HMCN1: variants seen among roughly 807,000 people sequenced by gnomAD.
HMCN1 encodes the protein hemicentin 1.
HMCN1 carries 321 observed loss-of-function variants against 625.9 expected under a neutral mutation model. That is an observed-to-expected ratio of 0.51 (90% CI 0.47 to 0.56). The LOEUF (loss-of-function observed/expected upper bound fraction) is 0.56, where lower values mean the gene tolerates loss of function less well. HMCN1 is among the 20% of genes least tolerant of loss of function. The probability of loss-of-function intolerance (pLI) is 0.00; values close to 1 mark genes in which losing one functional copy is unlikely to be tolerated. For synonymous variants in HMCN1, 2,425 were observed against 2,417.6 expected (o/e 1.00, Z -0.09); for missense variants, 6,588 against 6,887.3 (o/e 0.96, Z 1.54).
chr1:186,145,549 A>G lies in HMCN1; in HGVS notation c.14413A>G (p.Arg4805Gly). Residue 4805 changes from arginine to glycine, a missense_variant, in exon 92 of 107, where the codon AGG (arginine) becomes GGG (glycine). By Grantham distance (125) the Arg-to-Gly change is moderately radical. Around this residue, in one of 3 missense-constraint regions of HMCN1, gnomAD observed 1,954 missense variants for 2,013.1 expected, o/e 0.97. Coordinates refer to ENST00000271588, the MANE Select transcript of HMCN1 (RefSeq NM_031935.3). ...ACGGPDSQIQ[R>G]CNTDMCPVDG... ...TGGGGGACCAGACTCCCAGATCCAG[A>G]GGTGCAACACTGACATGTGTCCTGG... is the stretch of plus-strand genomic sequence containing the variant. 1 of 1,614,066 alleles carries G rather than the reference A, an allele frequency of 6.2e-7. No homozygotes were observed. The highest frequency in any genetic ancestry group is 8.5e-7 in the Non-Finnish European group (1 of 1,179,988).
intron 17 of HMCN1, among the ~76,000 whole-genome samples, chr1:185,981,723 G>T (rs1571658251): frequency 6.6e-6 from 1 of 152,064 alleles, no homozygotes; most frequent in Middle Eastern, 3.4e-3. Flanking sequence ...ATCTCTTAGG[G>T]ATTTTACTTT....
intron 1 of HMCN1, among the ~76,000 whole-genome samples, chr1:185,757,890 T>A (rs1321406731): frequency 6.6e-6 from 1 of 152,198 alleles, no homozygotes; most frequent in Non-Finnish European, 1.5e-5. Context: ...GTCATGTTCC[T>A]TGAATTTTGG....
At chr1:186,187,205 A>G (rs948145889) in intron 105 of HMCN1, among the ~76,000 whole-genome samples, 2 of 131,568 alleles carry the variant, frequency 1.5e-5, no homozygotes, top group Non-Finnish European at 3.2e-5. Context: ...TCCCCATACC[A>G]TTAGCCTAAG....
chr1:185,993,885 T>C (rs1268285877), intron 23 of HMCN1, among the ~76,000 whole-genome samples: 2 of 152,132 alleles, frequency 1.3e-5, no homozygotes, highest in Non-Finnish European at 2.9e-5. Context: ...TTAGCTGAGA[T>C]AGGATTGATC....
At chr1:185,900,074 T>C (rs74602922) in intron 4 of HMCN1, among the ~76,000 whole-genome samples, 3,218 of 152,152 alleles carry the variant, frequency 0.021, 119 homozygotes, top group African/African-American at 0.073. Flanking sequence ...CTCCTGCCTC[T>C]GTTTCTTCTT....
intron 55 of HMCN1, among the ~76,000 whole-genome samples, chr1:186,079,893 G>A (rs1191221432): frequency 6.6e-6 from 1 of 152,126 alleles, no homozygotes; most frequent in Non-Finnish European, 1.5e-5. Context: ...CCCAGGTGCA[G>A]GGAGGGCCAC....
chr1:185,755,736 AG>A (rs1655093122), intron 1 of HMCN1, among the ~76,000 whole-genome samples: 1 of 152,170 alleles, frequency 6.6e-6, no homozygotes, highest in African/African-American at 2.4e-5. Context: ...GAGAGTGAGA[AG>A]GGATTAGGAA....
intron 41 of HMCN1, among the ~76,000 whole-genome samples, chr1:186,048,316 T>TA (rs1198514746): frequency 1.3e-5 from 2 of 152,130 alleles, no homozygotes; most frequent in Admixed American, 6.6e-5. Context: ...ATACTTAGCT[T>TA]AAAGAAGCTT....
At chr1:185,756,911 T>C (rs1185182730) in intron 1 of HMCN1, among the ~76,000 whole-genome samples, 2 of 152,176 alleles carry the variant, frequency 1.3e-5, no homozygotes, top group Non-Finnish European at 2.9e-5. Flanking sequence ...ATGATAACCA[T>C]GGCAGTCTTT....
At chr1:185,762,360 T>C (rs1166787220) in intron 1 of HMCN1, among the ~76,000 whole-genome samples, 1 of 152,180 alleles carries the variant, frequency 6.6e-6, no homozygotes, top group Admixed American at 6.6e-5. Flanking sequence ...TTAGTGTGTA[T>C]TTGAGTGCAC....
chr1:185,867,532 A>T (rs1260150020), intron 4 of HMCN1, among the ~76,000 whole-genome samples: 1 of 152,168 alleles, frequency 6.6e-6, no homozygotes, highest in African/African-American at 2.4e-5. Context: ...ATTCTCTCTT[A>T]CATCAGCTTG....
chr1:185,740,905 A>T (rs1027240820), intron 1 of HMCN1, among the ~76,000 whole-genome samples: 1 of 152,158 alleles, frequency 6.6e-6, no homozygotes, highest in African/African-American at 2.4e-5. Context: ...GAGGCAGTAG[A>T]ATCGCTCGAA....
chr1:185,916,598 T>C (rs1666716300), intron 6 of HMCN1, among the ~76,000 whole-genome samples: 1 of 152,212 alleles, frequency 6.6e-6, no homozygotes, highest in Non-Finnish European at 1.5e-5. Flanking sequence ...ACTGAATTTT[T>C]CTTTAGTTTT....
chr1:186,113,882 T>C, intron 72 of HMCN1, 97 bp from the exon 73 acceptor site: 1 of 1,324,702 alleles, frequency 7.5e-7, no homozygotes, highest in Non-Finnish European at 1.1e-6. Flanking sequence ...AGCTATACAT[T>C]TGACTCGAAG....
intron 13 of HMCN1, among the ~76,000 whole-genome samples, 194 bp downstream of exon 13, chr1:185,964,089 A>T (rs1213912825): frequency 6.6e-6 from 1 of 152,206 alleles, no homozygotes; most frequent in Non-Finnish European, 1.5e-5. Flanking sequence ...AAGCTTCATT[A>T]GTCAACAGAA....
In HMCN1 at chr1:186,041,135, T is replaced by C. The variant is rs745388811; in HGVS notation, c.6303T>C (p.Tyr2101=). The C allele has an allele frequency of 5.0e-6, 8 of 1,612,060 alleles. No homozygotes were observed. The highest frequency in any genetic ancestry group is 2.2e-5 in the East Asian group (1 of 44,786). Residue 2101 remains tyrosine (Y), a splice_region_variant and synonymous_variant, in exon 40 of 107, where the codon TAT becomes TAC. Coordinates refer to ENST00000271588, the MANE Select transcript of HMCN1 (RefSeq NM_031935.3). ...EKQRDIDLRV[Y]VPPNIMGEEQ... ...AAAGGGACATTGACCTCCGAGTATA[T>C]GGTGAGACATTTTAGTAATTAATTC...
intron 2 of HMCN1, among the ~76,000 whole-genome samples, chr1:185,858,808 A>T (rs1052139549): frequency 6.6e-6 from 1 of 151,022 alleles, no homozygotes; most frequent in Non-Finnish European, 1.5e-5. Flanking sequence ...TTGTTCTTAT[A>T]GTTTCAGTCA....
chr1:186,138,440 T>C (rs1649759644), intron 89 of HMCN1, among the ~76,000 whole-genome samples: 1 of 152,132 alleles, frequency 6.6e-6, no homozygotes, highest in Non-Finnish European at 1.5e-5. Context: ...ATATTGTGTA[T>C]TGTTATTGAT....
In HMCN1 at chr1:185,962,658, A is replaced by C; in HGVS notation, c.1969A>C (p.Arg657=). 1 of 1,548,938 alleles carries C rather than the reference A, an allele frequency of 6.5e-7. No homozygotes were observed. The highest frequency in any genetic ancestry group is 8.9e-7 in the Non-Finnish European group (1 of 1,120,522). Residue 657 remains arginine, a splice_region_variant and synonymous_variant, in exon 12 of 107, where the codon AGG becomes CGG. Transcript: ENST00000271588. The part of the protein sequence containing the change: ...VNDMFIVGSH[R]YRMTSDGTLF... ...CGATATGTTTATCGTGGGTTCACACAGGTACTGGGTTTGTATCATGTTTTT... is the reference window on the plus strand; with the variant it reads ...CGATATGTTTATCGTGGGTTCACACCGGTACTGGGTTTGTATCATGTTTTT...
Sources: allele counts gnomAD v4.1 joint callset (sites outside exome capture counted in the v4.1 genomes callset), GRCh38; gene constraint gnomAD v4.1.1; regional missense constraint gnomAD v4.1.1; transcripts MANE v1.5; gene names NCBI Gene and HGNC (gene_info 2026-07-23, HGNC 2026-07-21).